URI1: variants seen among roughly 807,000 people sequenced by gnomAD.
URI1 encodes unconventional prefoldin RPB5 interactor 1.
In URI1, 39 loss-of-function variants were observed where a neutral mutation model predicts 60.2. That is an observed-to-expected ratio of 0.65 (90% confidence interval 0.50 to 0.85). URI1 has a LOEUF of 0.85. Among genes scored for constraint, URI1 ranks in the 40% least tolerant of loss-of-function variants. URI1 has a pLI of 0.00. For missense variants in URI1, 691 were observed against 665.9 expected (o/e 1.04, Z -0.42); for synonymous variants, 251 against 236.8 (o/e 1.06, Z -0.55).
chr19:29,981,690 C>G (rs2145360153), intron 2 of URI1, among the ~76,000 whole-genome samples: 1 of 152,122 alleles, frequency 6.6e-6, no homozygotes, highest in African/African-American at 2.4e-5. Context: ...CTATAAGGAT[C>G]CATTATGTTG....
upstream of URI1, chr19:29,937,495 A>G (rs1027491803): frequency 4.6e-5 from 7 of 152,158 alleles, no homozygotes; most frequent in African/African-American, 1.7e-4. Flanking sequence ...TGAAAATCAG[A>G]TTCTCCTCCT....
rs886814489 is a variant in URI1, at chr19:29,924,223, T to G, written c.63+469T>G. Among the ~76,000 whole-genome samples the G allele has an allele frequency of 5.3e-5, 8 of 152,164 alleles. No individual in the cohort carries two copies. The East Asian group carries it at 9.6e-4, about 18-fold the overall frequency. Reference sequence around the variant, plus strand: ...ATCTCTTTGAAAACACCCTCCCAGATGCACCCAGAAATAATGTTGCACCTG... The same window carrying G: ...ATCTCTTTGAAAACACCCTCCCAGAGGCACCCAGAAATAATGTTGCACCTG... On this transcript the variant is annotated intron_variant, in intron 1 of 10. Coordinates refer to the URI1 transcript ENST00000360605.
intron 10 of URI1, 142 bp from the exon 11 acceptor site, chr19:30,014,745 G>A (rs945705675): frequency 3.0e-6 from 2 of 657,594 alleles, no homozygotes. Flanking sequence ...TGAACAATTA[G>A]TATTTTGGTG....
intron 1 of URI1, among the ~76,000 whole-genome samples, chr19:29,968,118 T>C (rs2055412024): frequency 1.3e-5 from 2 of 152,354 alleles, no homozygotes. Flanking sequence ...GTACATACTT[T>C]ATTATAAATT....
chr19:29,964,429 C>G (rs2055363785), intron 1 of URI1, among the ~76,000 whole-genome samples: 1 of 150,182 alleles, frequency 6.7e-6, no homozygotes, highest in African/African-American at 2.5e-5. Context: ...GTCTCACTGA[C>G]AGTGGTGGTT....
intron 1 of URI1, among the ~76,000 whole-genome samples, chr19:29,961,684 T>G (rs1468027525): frequency 2.8e-4 from 42 of 150,344 alleles, no homozygotes; most frequent in African/African-American, 9.9e-4. Flanking sequence ...TGTTTTTTTT[T>G]TTTTTTGTTG....
Position 29,959,000 on chromosome 19 carries a change from A to ATTTTC in URI1, c.118-12185_118-12181dup, listed in dbSNP as rs1422575973. On this transcript the variant is annotated intron_variant, in intron 1 of 10. Coordinates refer to ENST00000392271, the MANE Select transcript of URI1 (RefSeq NM_003796.3). ...ACATTAACACTACCTTAAACCTATG[A>ATTTTC]TTTTCTTTTCTTGTAATGTCGACGT... 2.0e-5 allele frequency among the ~76,000 whole-genome samples: 3 copies of ATTTTC among 151,898 alleles called. No homozygotes were observed. The East Asian group carries it at 5.8e-4, about 29-fold the overall frequency.
chr19:29,996,532 A>G (rs2055815101), intron 4 of URI1, among the ~76,000 whole-genome samples: 1 of 151,938 alleles, frequency 6.6e-6, no homozygotes, highest in Non-Finnish European at 1.5e-5. Flanking sequence ...ATTACATATA[A>G]GATTGTATCA....
intron 4 of URI1, among the ~76,000 whole-genome samples, chr19:29,993,360 C>T (rs1360193314): frequency 6.6e-6 from 1 of 152,170 alleles, no homozygotes; most frequent in Non-Finnish European, 1.5e-5. Flanking sequence ...CACTACTTTC[C>T]CTCTACCAGA....
intron 2 of URI1, among the ~76,000 whole-genome samples, 154 bp from the exon 3 acceptor site, chr19:29,985,069 G>C (rs1342755661): frequency 7.8e-6 from 1 of 128,538 alleles, no homozygotes; most frequent in Non-Finnish European, 1.6e-5. Context: ...GCAGTGAGCC[G>C]AGATCACGCC....
At chr19:29,976,570 A>G (rs1292475782) in intron 2 of URI1, among the ~76,000 whole-genome samples, 3 of 152,204 alleles carry the variant, frequency 2.0e-5, no homozygotes, top group Admixed American at 6.5e-5. Flanking sequence ...ACCTGTTGAG[A>G]GGAGGCGTGA....
chr19:29,944,319 G>T (rs920359722), intron 1 of URI1, among the ~76,000 whole-genome samples: 18 of 150,472 alleles, frequency 1.2e-4, no homozygotes, highest in African/African-American at 4.4e-4. Flanking sequence ...CCAAAACTTG[G>T]CATTTTTTAT....
chr19:29,986,239 T>C lies in URI1; in HGVS notation c.232-43T>C, dbSNP rs745323018. On this transcript the variant is annotated intron_variant, in intron 3 of 10. Coordinates refer to ENST00000392271, the MANE Select transcript of URI1 (RefSeq NM_003796.3). The stretch of plus-strand genomic sequence containing the variant: ...GTGTTTTATAAAATGTACTTTTCAG[T>C]GTTTTATGTTTTTTCCCTTTTTTCT... 4 of 1,505,116 alleles carry C rather than the reference T, an allele frequency of 2.7e-6. No homozygotes were observed. The South Asian group carries it at 4.0e-5, about 15-fold the overall frequency. 93.2% of individuals were successfully genotyped at this position (1,505,116 alleles called of 1,614,324 possible).
At chr19:29,984,487 G>A (rs1242414257) in intron 2 of URI1, among the ~76,000 whole-genome samples, 2 of 151,886 alleles carry the variant, frequency 1.3e-5, no homozygotes, top group Non-Finnish European at 2.9e-5. Context: ...CAAATATCAG[G>A]CCCTCTTTTA....
chr19:29,970,209 T>G (rs952666356), intron 1 of URI1, among the ~76,000 whole-genome samples: 4 of 150,108 alleles, frequency 2.7e-5, no homozygotes, highest in Non-Finnish European at 5.9e-5. Flanking sequence ...ATATTGGTAT[T>G]TAGAGCAGTG....
At chr19:29,936,783 C>T (rs542428445) in intron 1 of URI1, among the ~76,000 whole-genome samples, 1 of 151,880 alleles carries the variant, frequency 6.6e-6, no homozygotes, top group African/African-American at 2.4e-5. Flanking sequence ...GATAGAGTCT[C>T]ACTCTATTGC....
At chr19:30,005,781 G>C (rs952500831) in intron 6 of URI1, 73 bp downstream of exon 6, 1 of 1,394,894 alleles carries the variant, frequency 7.2e-7, no homozygotes, top group Non-Finnish European at 9.9e-7. Context: ...TGGGCTTTCT[G>C]TGAGATATTT....
chr19:29,959,250 C>G lies in URI1; in HGVS notation c.118-11943C>G, dbSNP rs114291155. On this transcript the variant is annotated intron_variant, in intron 1 of 10. Coordinates refer to ENST00000392271, the MANE Select transcript of URI1 (RefSeq NM_003796.3). ...GGTGATCCTCTCGCCTCAGTCTCCC[C>G]GAGTAGCTGGGGCTATAGGAATGCG... Among the ~76,000 whole-genome samples, 1,087 of 152,190 alleles carry G rather than the reference C, an allele frequency of 7.1e-3. 11 individuals carry two copies. The highest frequency in any genetic ancestry group is 0.024 in the African/African-American group (1,012 of 41,516).
At position 29,934,537 on chromosome 19, in the gene URI1, CTCT is replaced by C. The variant is rs547726299; in HGVS notation, c.63+10790_63+10792del. On this transcript the variant is annotated intron_variant, in intron 1 of 10. Transcript: ENST00000360605. ...TGTACACACATGCTACTGTTCAGATCTCTTCTTCTCTGTTATGACATGAGGTCT... is the reference window on the plus strand; with the variant it reads ...TGTACACACATGCTACTGTTCAGATCTCTTCTCTGTTATGACATGAGGTCT... Among the ~76,000 whole-genome samples the C allele has an allele frequency of 1.5e-3, 226 of 152,064 alleles. 1 individual carries two copies. Among genetic ancestry groups the C allele is most frequent in the African/African-American group, 5.1e-3 (212 of 41,468 alleles).
Sources: allele counts gnomAD v4.1 joint callset (sites outside exome capture counted in the v4.1 genomes callset), GRCh38; gene constraint gnomAD v4.1.1; transcripts MANE v1.5; gene names NCBI Gene and HGNC (gene_info 2026-07-23, HGNC 2026-07-21).